The following PEX6 variants were observed in gnomAD, a reference collection of about 807,000 sequenced individuals.
The protein encoded by PEX6 is peroxisomal biogenesis factor 6.
PEX6 carries 55 observed loss-of-function variants against 85.6 expected under a neutral mutation model. The observed-to-expected ratio is 0.64, with a 90% CI of 0.52 to 0.80. PEX6 has a LOEUF of 0.80. Among genes scored for constraint, PEX6 ranks in the 30% least tolerant of loss-of-function variants. The pLI is 0.00. For synonymous variants in PEX6, 519 were observed against 549.1 expected, an observed-to-expected ratio of 0.95 and a Z score of 0.77; for missense variants, 1,099 against 1,260.3, an observed-to-expected ratio of 0.87 and a Z score of 1.94.
At position 42,965,829 on chromosome 6, in the gene PEX6, C is replaced by A; in HGVS notation, c.2363-40G>T. On this transcript the variant is annotated intron_variant, in intron 12 of 16. Coordinates refer to ENST00000304611, the MANE Select transcript of PEX6 (RefSeq NM_000287.4). This position sits in a 1 kb window ranked among gnomAD's most constrained non-coding sequence, Gnocchi z 5.0. ...GGGCCCACAGGAGGGCAAAGCTCGG[C>A]TTGTGGGGGGTTGAAGTTAGGTGAG... is the stretch of plus-strand genomic sequence containing the variant. 1 of 1,565,458 alleles carries A rather than the reference C, an allele frequency of 6.4e-7. No homozygotes were observed.
rs184506615 is a variant in PEX6 at position 42,967,249 on chromosome 6, G to A, written c.1884+119C>T. The A allele has an allele frequency of 2.7e-4, 266 of 996,690 alleles. 3 individuals carry two copies. In the East Asian group the frequency reaches 5.2e-3, roughly 20 times the overall value. The allele number at this position is 996,690 out of a possible 1,614,324, so 61.7% of individuals were successfully genotyped here. A position where few individuals can be genotyped will look rare whatever the true frequency, so the allele number is the denominator to read the frequency against. On this transcript the variant is annotated intron_variant, in intron 8 of 16. Transcript: ENST00000304611. ...CTCCCAAAGTGCTAGGATTACAGGCGTGAGCCACGGCGCCCGCGCTGGGTT... is the reference window on the plus strand; with the variant it reads ...CTCCCAAAGTGCTAGGATTACAGGCATGAGCCACGGCGCCCGCGCTGGGTT...
intron 3 of PEX6, 105 bp from the exon 4 acceptor site, chr6:42,970,092 G>T: frequency 1.2e-6 from 1 of 866,290 alleles, no homozygotes; most frequent in Non-Finnish European, 1.9e-6. Context: ...CACCACAAGA[G>T]CGTGTCCCGA....
In PEX6 at chr6:42,968,457, C is replaced by A; in HGVS notation, c.1521G>T (p.Val507=). Residue 507 remains valine (V), a synonymous_variant, in exon 7 of 17, where the codon GTG becomes GTT. Transcript: ENST00000304611. ...AGAAGATGGCCTGCAGTTTTGTCTCCACAGCCCCACTACTTTCTGCACAGA... is the reference window on the plus strand; with the variant it reads ...AGAAGATGGCCTGCAGTTTTGTCTCAACAGCCCCACTACTTTCTGCACAGA... ...SSLCAESSGA[V]ETKLQAIFSR... is the part of the protein sequence containing the mutation. 2 of 1,599,914 alleles carry A rather than the reference C, an allele frequency of 1.3e-6. No homozygotes were observed. Among genetic ancestry groups the A allele is most frequent in the Non-Finnish European group, 1.7e-6 (2 of 1,173,146 alleles).
chr6:42,978,567 T>C lies in PEX6; in HGVS notation c.584A>G (p.Gln195Arg). 6.2e-7 allele frequency: 1 copy of C among 1,612,362 alleles called. No individual in the cohort carries two copies. Among genetic ancestry groups the C allele is most frequent in the East Asian group, 2.2e-5 (1 of 44,850 alleles). ...FAVSGTVRRL[Q>R]GVLGGTGDSL... ...ATCTCCAGTCCCTCCCAGAACTCCC[T>C]GGAGTCGCCGCACTGTGCCAGAAAC... Residue 195 changes from glutamine (Q) to arginine (R), a missense_variant, in exon 1 of 17, where the codon CAG becomes CGG. This residue lies in a region of PEX6 where 579 missense variants were observed against 611.6 expected (regional missense o/e 0.95). Transcript: ENST00000304611.
At chr6:42,973,482 G>A (rs1406526827) in intron 3 of PEX6, among the ~76,000 whole-genome samples, 1 of 152,130 alleles carries the variant, frequency 6.6e-6, no homozygotes, top group East Asian at 1.9e-4. Context: ...GCACTACCAT[G>A]CCTGACTGGT....
At chr6:42,969,560 C>T (rs973389893) in intron 5 of PEX6, 108 bp downstream of exon 5, 2 of 1,416,550 alleles carry the variant, frequency 1.4e-6, no homozygotes, top group Middle Eastern at 2.4e-4. Flanking sequence ...GAAGGTCCTC[C>T]CAATCCCACT....
In PEX6 at chr6:42,964,843, CAG is replaced by C; in HGVS notation, c.2751_2752del (p.Cys918LeufsTer2). On this transcript the variant is annotated frameshift_variant, in exon 16 of 17. Transcript: ENST00000304611. LOFTEE classifies it high-confidence loss of function. This position sits in a 1 kb window ranked among gnomAD's most constrained non-coding sequence, Gnocchi z 4.6. Reference sequence around the variant, plus strand: ...GAGGGCAGCTGTCATAGCATCAGAGCAGAGAGAGTAGAGGTCCGCGCCCGTCA... The same window carrying C: ...GAGGGCAGCTGTCATAGCATCAGAGCAGAGAGTAGAGGTCCGCGCCCGTCA... The C allele has an allele frequency of 6.2e-7, 1 of 1,614,130 alleles. No homozygotes were observed.
intron 3 of PEX6, among the ~76,000 whole-genome samples, 170 bp downstream of exon 3, chr6:42,973,833 C>T (rs1770154331): frequency 6.6e-6 from 1 of 152,178 alleles, no homozygotes; most frequent in African/African-American, 2.4e-5. Context: ...CACTAAACTC[C>T]AGCCTGGGTA....
At position 42,964,818 on chromosome 6, in the gene PEX6, G is replaced by C; in HGVS notation, c.2778C>G (p.Leu926=). 4 of 1,614,114 alleles carry C rather than the reference G, an allele frequency of 2.5e-6. No individual in the cohort carries two copies. Among genetic ancestry groups the C allele is most frequent in the Non-Finnish European group, 3.4e-6 (4 of 1,180,026 alleles). ...SLCSDAMTAA[L]KRRVHDLEEG... ...CCTCCAGGTCATGAACCCTGCGTTT[G>C]AGGGCAGCTGTCATAGCATCAGAGC... The change falls in exon 16 of 17, where the codon CTC becomes CTG. Residue 926 remains leucine, a synonymous_variant. Transcript: ENST00000304611. This position sits in a 1 kb window ranked among gnomAD's most constrained non-coding sequence, Gnocchi z 4.6.
In PEX6 at chr6:42,968,427, C is replaced by T. The variant is rs766045376; in HGVS notation, c.1551G>A (p.Arg517=). 6.2e-7 allele frequency: 1 copy of T among 1,612,206 alleles called. No individual in the cohort carries two copies. Among genetic ancestry groups the T allele is most frequent in the Non-Finnish European group, 8.5e-7 (1 of 1,179,198 alleles). ...VETKLQAIFS[R]ARRCRPAVLL... ...GGACTGCAGGCCGGCAACGGCGGGCCCGGGAGAAGATGGCCTGCAGTTTTG... is the reference window on the plus strand; with the variant it reads ...GGACTGCAGGCCGGCAACGGCGGGCTCGGGAGAAGATGGCCTGCAGTTTTG... Residue 517 remains arginine, a synonymous_variant, in exon 7 of 17, where the codon CGG becomes CGA. Coordinates refer to ENST00000304611, the MANE Select transcript of PEX6 (RefSeq NM_000287.4).
intron 9 of PEX6, 39 bp from the exon 10 acceptor site, chr6:42,966,696 C>T (rs772530341): frequency 2.0e-5 from 32 of 1,613,988 alleles, no homozygotes; most frequent in Middle Eastern, 1.6e-4. Context: ...TCACCATCAG[C>T]GTCCCATTCC....
chr6:42,978,715 G>A lies in PEX6; in HGVS notation c.436C>T (p.Gln146Ter). The change falls in exon 1 of 17, where the codon CAA becomes TAA. Residue 146 changes from glutamine to a stop codon, truncating the protein, a stop_gained. Coordinates refer to ENST00000304611, the MANE Select transcript of PEX6 (RefSeq NM_000287.4). LOFTEE classifies it high-confidence loss of function. ...CGAGTCCCTGGGCCCAGCAGCCCTT[G>A]CAACGCCGGCCGCGTCTCCAGCACC... Reference protein sequence around the residue: ...PRVLETRPALQGLLGPGTRLA... With the variant: ...PRVLETRPAL 6.5e-7 allele frequency: 1 copy of A among 1,541,620 alleles called. No individual in the cohort carries two copies. Among genetic ancestry groups the A allele is most frequent in the Non-Finnish European group, 8.7e-7 (1 of 1,149,972 alleles).
chr6:42,977,877 C>T (rs1770369403), intron 1 of PEX6, among the ~76,000 whole-genome samples: 1 of 132,746 alleles, frequency 7.5e-6, no homozygotes, highest in African/African-American at 2.8e-5. Context: ...GAGTTTCACT[C>T]TTATCGCCCA....
In PEX6 at chr6:42,965,248, C is replaced by G. The variant is rs1343348517; in HGVS notation, c.2588+4G>C. ...GGTGGAGATGAGCAGTACAAGGGGCCCACCTGCCAGGCCGCAGAAGGGCAG... is the reference window on the plus strand; with the variant it reads ...GGTGGAGATGAGCAGTACAAGGGGCGCACCTGCCAGGCCGCAGAAGGGCAG... On this transcript the variant is annotated splice_donor_region_variant and intron_variant, in intron 14 of 16. Coordinates refer to ENST00000304611, the MANE Select transcript of PEX6 (RefSeq NM_000287.4). This position sits in a 1 kb window ranked among gnomAD's most constrained non-coding sequence, Gnocchi z 5.0. The G allele has an allele frequency of 6.2e-7, 1 of 1,612,550 alleles. No individual in the cohort carries two copies. The highest frequency in any genetic ancestry group is 1.1e-5 in the South Asian group (1 of 91,044).
intron 1 of PEX6, among the ~76,000 whole-genome samples, chr6:42,975,818 C>T (rs1329285545): frequency 6.6e-6 from 1 of 150,868 alleles, no homozygotes; most frequent in East Asian, 1.9e-4. Context: ...TCAAATGATT[C>T]TCTTTGTGCC....
At chr6:42,974,798 CTTGGTTCTAAGGCATGGGA>C in intron 2 of PEX6, 58 bp downstream of exon 2, 5 of 1,377,980 alleles carry the variant, frequency 3.6e-6, no homozygotes, top group Non-Finnish European at 5.2e-6. Context: ...CTCTGGGGTA[CTTGGTTCTAAGGCATGGGA>C]TAGGAGGAAT....
chr6:42,978,582 G>A lies in PEX6; in HGVS notation c.569C>T (p.Thr190Ile). The stretch of plus-strand genomic sequence containing the variant: ...CAGAACTCCCTGGAGTCGCCGCACT[G>A]TGCCAGAAACCGCAAAGGAGGACAC... The part of the protein sequence containing the change: ...PVVSSFAVSG[T>I]VRRLQGVLGG... The change falls in exon 1 of 17, where the codon ACA (threonine) becomes ATA (isoleucine). Residue 190 changes from threonine to isoleucine, a missense_variant. By Grantham distance (89) the Thr-to-Ile change is moderately conservative. Transcript: ENST00000304611. The A allele has an allele frequency of 1.2e-6, 2 of 1,611,714 alleles. No individual in the cohort carries two copies. Among genetic ancestry groups the A allele is most frequent in the Non-Finnish European group, 1.7e-6 (2 of 1,179,794 alleles).
intron 3 of PEX6, among the ~76,000 whole-genome samples, chr6:42,973,409 T>C (rs1229632428): frequency 1.3e-5 from 2 of 152,002 alleles, no homozygotes; most frequent in Admixed American, 6.6e-5. Flanking sequence ...TTAGTTTGCT[T>C]GTTTTTTGAG....
At chr6:42,966,144 G>A (rs765538974) in intron 11 of PEX6, 39 bp from the exon 12 acceptor site, 18 of 1,611,682 alleles carry the variant, frequency 1.1e-5, no homozygotes, top group Non-Finnish European at 1.4e-5. Context: ...GCCGTCAGAT[G>A]CACATACACA....
Sources: gnomAD v4.1 joint callset for allele counts (sites outside exome capture counted in the v4.1 genomes callset) on GRCh38, gnomAD v4.1.1 for gene constraint, gnomAD v4.1.1 regional missense constraint, Gnocchi (gnomAD v3.1) non-coding constraint, MANE v1.5 for transcripts, NCBI Gene and HGNC (gene_info 2026-07-23, HGNC 2026-07-21) for gene names.